Variants in TMEM131L observed in about 807,000 individuals in gnomAD.
TMEM131L encodes transmembrane protein 131-like.
TMEM131L carries 54 observed loss-of-function variants against 192.2 expected under a neutral mutation model. The observed-to-expected ratio is 0.28, with a 90% confidence interval of 0.23 to 0.35. The LOEUF is 0.35. Among genes scored for constraint, TMEM131L ranks in the 10% least tolerant of loss-of-function variants. The probability of loss-of-function intolerance (pLI) is 1.00; values close to 1 mark genes in which losing one functional copy is unlikely to be tolerated. For missense variants in TMEM131L, 1,888 were observed against 1,972.9 expected (o/e 0.96, Z 0.82); for synonymous variants, 701 against 704.9 (o/e 0.99, Z 0.09).
chr4:153,563,918 A>G (rs534819665), intron 7 of TMEM131L, among the ~76,000 whole-genome samples: 1 of 152,260 alleles, frequency 6.6e-6, no homozygotes, highest in East Asian at 1.9e-4. Context: ...TCAATGCAAT[A>G]GTATTAAGAG....
chr4:153,575,944 A>G (rs1453741802), intron 7 of TMEM131L, among the ~76,000 whole-genome samples: 2 of 151,706 alleles, frequency 1.3e-5, no homozygotes, highest in African/African-American at 4.8e-5. Context: ...TTATCAAGTT[A>G]ATATTGCTAT....
chr4:153,549,148 G>T (rs576786543), intron 3 of TMEM131L, among the ~76,000 whole-genome samples: 33 of 152,022 alleles, frequency 2.2e-4, no homozygotes, highest in African/African-American at 7.2e-4. Context: ...AAATTTTTTA[G>T]TAGAGATAGG....
At chr4:153,636,242 CCTTT>C (rs1734560342) in intron 34 of TMEM131L, 55 bp from the exon 35 acceptor site, 29 of 1,469,478 alleles carry the variant, frequency 2.0e-5, no homozygotes, top group Non-Finnish European at 2.6e-5. Context: ...TGTGTATTCA[CCTTT>C]CTAAGGCTTT....
At chr4:153,631,782 C>T (rs1407956626) in intron 31 of TMEM131L, among the ~76,000 whole-genome samples, 2 of 152,202 alleles carry the variant, frequency 1.3e-5, no homozygotes, top group African/African-American at 2.4e-5. Context: ...GTCTTCTCTG[C>T]TCCCAATCCG....
intron 26 of TMEM131L, 62 bp downstream of exon 26, chr4:153,612,462 GAATATGTGTATTTCAT>G (rs1295760324): frequency 8.0e-6 from 10 of 1,254,684 alleles, no homozygotes; most frequent in Middle Eastern, 4.1e-4. Context: ...TGTATTAAGT[GAATATGTGTATTTCAT>G]ATGTTTCACT....
intron 3 of TMEM131L, among the ~76,000 whole-genome samples, chr4:153,521,177 G>A (rs943296482): frequency 1.3e-5 from 2 of 152,226 alleles, no homozygotes; most frequent in Non-Finnish European, 2.9e-5. Context: ...TTCTAGGCTT[G>A]TGAGGATGGA....
chr4:153,591,885 AAAG>A (rs1235447440), intron 17 of TMEM131L, among the ~76,000 whole-genome samples: 1 of 152,306 alleles, frequency 6.6e-6, no homozygotes, highest in East Asian at 1.9e-4. Context: ...TGCAAAAAGA[AAAG>A]AATCTTTTTG....
At chr4:153,599,208 G>C (rs969824760) in intron 21 of TMEM131L, among the ~76,000 whole-genome samples, 1 of 152,176 alleles carries the variant, frequency 6.6e-6, no homozygotes. Flanking sequence ...GAGCACGAGA[G>C]GGGAGAAGGT....
At chr4:153,568,355 A>G (rs1203008985) in intron 7 of TMEM131L, among the ~76,000 whole-genome samples, 1 of 152,130 alleles carries the variant, frequency 6.6e-6, no homozygotes, top group Non-Finnish European at 1.5e-5. Flanking sequence ...TTGTGCTTTA[A>G]AATCTCGGCT....
intron 15 of TMEM131L, 83 bp from the exon 16 acceptor site, chr4:153,588,807 T>C: frequency 1.3e-6 from 1 of 749,620 alleles, no homozygotes. Flanking sequence ...GTTTAAGAAG[T>C]TTAATATTAA....
rs574135527 is a variant in TMEM131L at position 153,626,564 on chromosome 4, TG to T, written c.4124+342del. ...TGAGTCCAGGAGTTCAGGACCAGTC[TG>T]GGTAACATAATGAAACTCCATCTCT... is the stretch of plus-strand genomic sequence containing the variant. On this transcript the variant is annotated intron_variant, in intron 30 of 34. Coordinates refer to ENST00000409959, the MANE Select transcript of TMEM131L (RefSeq NM_001131007.2). 2.0e-4 allele frequency among the ~76,000 whole-genome samples: 31 copies of T among 152,340 alleles called. 1 individual carries two copies. In the South Asian group the frequency reaches 6.0e-3, roughly 29 times the overall value.
intron 7 of TMEM131L, among the ~76,000 whole-genome samples, chr4:153,577,998 C>T (rs1051407807): frequency 6.6e-6 from 1 of 152,118 alleles, no homozygotes; most frequent in African/African-American, 2.4e-5. Flanking sequence ...AGGGCATAGG[C>T]AGCATCCAGC....
At chr4:153,590,720 T>A (rs1731007962) in intron 16 of TMEM131L, among the ~76,000 whole-genome samples, 1 of 152,232 alleles carries the variant, frequency 6.6e-6, no homozygotes, top group African/African-American at 2.4e-5. Flanking sequence ...ACTCTGATTC[T>A]TTAGTTGCAG....
intron 12 of TMEM131L, among the ~76,000 whole-genome samples, chr4:153,585,136 AAT>A (rs1730612626): frequency 1.3e-5 from 2 of 152,224 alleles, no homozygotes. Flanking sequence ...CAGTTTATGA[AAT>A]AGGTTCAGCA....
intron 7 of TMEM131L, among the ~76,000 whole-genome samples, chr4:153,573,024 T>C (rs1729696972): frequency 6.6e-6 from 1 of 152,278 alleles, no homozygotes; most frequent in East Asian, 1.9e-4. Flanking sequence ...CCATGTTATA[T>C]AGCATGTATC....
At chr4:153,598,804 T>C in intron 21 of TMEM131L, 72 bp downstream of exon 21, 2 of 1,235,480 alleles carry the variant, frequency 1.6e-6, no homozygotes, top group Non-Finnish European at 2.1e-6. Flanking sequence ...ATTCTATAAA[T>C]TCTAAATTTT....
chr4:153,587,283 G>A (rs185627721), intron 14 of TMEM131L, among the ~76,000 whole-genome samples: 95 of 151,982 alleles, frequency 6.3e-4, no homozygotes, highest in South Asian at 4.8e-3. Flanking sequence ...ATAGCTAGGA[G>A]TTGTTATAGA....
At chr4:153,593,636 G>T (rs999633879) in intron 18 of TMEM131L, among the ~76,000 whole-genome samples, 163 bp from the exon 19 acceptor site, 2 of 151,400 alleles carry the variant, frequency 1.3e-5, no homozygotes, top group Non-Finnish European at 2.9e-5. Flanking sequence ...GGGTGGGAAT[G>T]TGGGGTGGAA....
In TMEM131L at chr4:153,602,161, A is replaced by G. The variant is rs749594015; in HGVS notation, c.2276A>G (p.Asp759Gly). Reference protein sequence around the residue: ...TLMDCRRQLKDSKQILSITKN... With the variant: ...TLMDCRRQLKGSKQILSITKN... ...TTTTGGTTCCCATTAGAACTGAAAG[A>G]CAGTAAGCAAATTTTATCTATTACA... is the stretch of plus-strand genomic sequence containing the variant. Residue 759 changes from aspartate to glycine, a missense_variant, in exon 22 of 35, where the codon GAC becomes GGC. Physicochemically the swap from Asp to Gly is moderately conservative, Grantham distance 94. Coordinates refer to ENST00000409959, the MANE Select transcript of TMEM131L (RefSeq NM_001131007.2). 1.3e-5 allele frequency: 20 copies of G among 1,585,770 alleles called. No homozygotes were observed. In the South Asian group the frequency reaches 2.3e-4, roughly 18 times the overall value.
Sources: gnomAD v4.1 joint callset for allele counts (sites outside exome capture counted in the v4.1 genomes callset) on GRCh38, gnomAD v4.1.1 for gene constraint, MANE v1.5 for transcripts, NCBI Gene and HGNC (gene_info 2026-07-23, HGNC 2026-07-21) for gene names.